TBC1D13: variants seen among roughly 807,000 people sequenced by gnomAD.
TBC1D13 encodes the protein TBC1 domain family member 13.
TBC1D13 carries 40 observed loss-of-function variants against 53.6 expected under a neutral mutation model. That is an observed-to-expected ratio of 0.75 (90% CI 0.58 to 0.97). The LOEUF (loss-of-function observed/expected upper bound fraction) is 0.97, where lower values mean the gene tolerates loss of function less well. Among genes scored for constraint, TBC1D13 ranks in the 50% least tolerant of loss-of-function variants. The probability of loss-of-function intolerance (pLI) is 0.00; values close to 1 mark genes in which losing one functional copy is unlikely to be tolerated. For synonymous variants in TBC1D13, 182 were observed against 197.7 expected, an observed-to-expected ratio of 0.92 and a Z score of 0.67; for missense variants, 377 against 499.4, an observed-to-expected ratio of 0.75 and a Z score of 2.34.
intron 10 of TBC1D13, 58 bp downstream of exon 10, chr9:128,806,077 C>T: frequency 1.3e-6 from 2 of 1,595,012 alleles, no homozygotes; most frequent in Non-Finnish European, 1.7e-6. Context: ...AGAAGCCAGA[C>T]AGGAGGACCC....
chr9:128,806,648 A>G (rs1829839813), intron 11 of TBC1D13, among the ~76,000 whole-genome samples: 1 of 152,132 alleles, frequency 6.6e-6, no homozygotes, highest in Admixed American at 6.5e-5. Context: ...TGTAGTGATT[A>G]AGAACATGGG....
chr9:128,808,249 G>A lies in TBC1D13; in HGVS notation c.*370G>A, dbSNP rs550670544. ...CTTCTCCTGGGCTCCACTCAGGGGA[G>A]GTGCTTGGCCAATGGGCCAGAAACC... On this transcript the variant is annotated 3_prime_UTR_variant, in exon 12 of 12. Coordinates refer to ENST00000372648, the MANE Select transcript of TBC1D13 (RefSeq NM_018201.5). 5 of 270,902 alleles carry A rather than the reference G, an allele frequency of 1.8e-5. No individual in the cohort carries two copies. In the East Asian group the frequency reaches 3.5e-4, roughly 19 times the overall value. 16.8% of individuals were successfully genotyped at this position (270,902 alleles called of 1,614,324 possible). A position where few individuals can be genotyped will look rare whatever the true frequency, so the allele number is the denominator to read the frequency against.
At position 128,794,561 on chromosome 9, in the gene TBC1D13, C is replaced by T. The variant is rs1173469827; in HGVS notation, c.383+1987C>T. Among the ~76,000 whole-genome samples the T allele has an allele frequency of 3.3e-5, 5 of 151,714 alleles. 1 individual carries two copies. Among genetic ancestry groups the T allele is most frequent in the South Asian group, 2.1e-4 (1 of 4,772 alleles). Reference sequence around the variant, plus strand: ...TGCAATCTCGGCTCACTGCAACATCCGCTTCCCGGGTTCAAGCGATTCTCC... The same window carrying T: ...TGCAATCTCGGCTCACTGCAACATCTGCTTCCCGGGTTCAAGCGATTCTCC... On this transcript the variant is annotated intron_variant, in intron 6 of 11. Coordinates refer to ENST00000372648, the MANE Select transcript of TBC1D13 (RefSeq NM_018201.5).
chr9:128,787,536 A>G (rs1386660421), intron 1 of TBC1D13, among the ~76,000 whole-genome samples, 160 bp downstream of exon 1: 7 of 152,044 alleles, frequency 4.6e-5, no homozygotes, highest in Admixed American at 4.6e-4. Context: ...TGTGGGCTGC[A>G]GGAACGACGG....
At chr9:128,788,468 G>C (rs1044492926) in intron 2 of TBC1D13, 61 bp downstream of exon 2, 116 of 1,509,634 alleles carry the variant, frequency 7.7e-5, no homozygotes, top group Admixed American at 2.2e-4. Context: ...TAGAATACAG[G>C]GGGAGGCCAC....
intron 7 of TBC1D13, among the ~76,000 whole-genome samples, chr9:128,801,451 G>A (rs7859291): frequency 0.37 from 56,578 of 151,834 alleles, 13,963 homozygotes; most frequent in African/African-American, 0.71. Flanking sequence ...AGGCTGAGGC[G>A]GGCGGATCAC....
intron 7 of TBC1D13, among the ~76,000 whole-genome samples, chr9:128,802,439 C>T (rs1471466196): frequency 2.0e-5 from 3 of 152,112 alleles, no homozygotes; most frequent in Non-Finnish European, 4.4e-5. Flanking sequence ...GTGTGTGTAC[C>T]TGTGTAAGTG....
chr9:128,808,104 G>A lies in TBC1D13; in HGVS notation c.*225G>A, dbSNP rs937795962. On this transcript the variant is annotated 3_prime_UTR_variant, in exon 12 of 12. Coordinates refer to ENST00000372648, the MANE Select transcript of TBC1D13 (RefSeq NM_018201.5). ...TGCCCTCTTTGCCCAGGATACTGAGGAGGGCTGGAGCTCGGGAAGTTGTCC... is the reference window on the plus strand; with the variant it reads ...TGCCCTCTTTGCCCAGGATACTGAGAAGGGCTGGAGCTCGGGAAGTTGTCC... 2.6e-5 allele frequency: 14 copies of A among 540,468 alleles called. No homozygotes were observed. The highest frequency in any genetic ancestry group is 4.7e-5 in the Non-Finnish European group (14 of 298,612). The allele number at this position is 540,468 out of a possible 1,614,324, so 33.5% of individuals were successfully genotyped here.
intron 10 of TBC1D13, 43 bp downstream of exon 10, chr9:128,806,062 C>T (rs1829826866): frequency 6.2e-7 from 1 of 1,601,538 alleles, no homozygotes; most frequent in Non-Finnish European, 8.5e-7. Flanking sequence ...CTGGGCAGTC[C>T]TTGGAGAAGC....
Position 128,797,205 on chromosome 9 carries a change from G to A in TBC1D13, c.534G>A (p.Gly178=), listed in dbSNP as rs1327002555. ...KSQTVARNRS[G]VTNMSSPHKN... ...AGACGGTGGCCCGGAACCGGAGTGG[G>A]GTCACAAATGTGAGTGCCAACCTGG... Residue 178 remains glycine, a synonymous_variant, in exon 7 of 12, where the codon GGG becomes GGA. Transcript: ENST00000372648. 1.2e-6 allele frequency: 2 copies of A among 1,613,780 alleles called. No homozygotes were observed. The highest frequency in any genetic ancestry group is 2.2e-5 in the South Asian group (2 of 91,052).
At chr9:128,797,484 C>T (rs1471901958) in intron 7 of TBC1D13, among the ~76,000 whole-genome samples, 1 of 152,066 alleles carries the variant, frequency 6.6e-6, no homozygotes, top group Non-Finnish European at 1.5e-5. Flanking sequence ...GGGGATGGCT[C>T]TGAGAAGGTC....
Position 128,810,384 on chromosome 9 carries a change from G to A in TBC1D13, c.*2505G>A, listed in dbSNP as rs923450204. 6.6e-6 allele frequency: 1 copy of A among 152,278 alleles called. No individual in the cohort carries two copies. Among genetic ancestry groups the A allele is most frequent in the African/African-American group, 2.4e-5 (1 of 41,462 alleles). 9.4% of individuals were successfully genotyped at this position (152,278 alleles called of 1,614,324 possible). A position where few individuals can be genotyped will look rare whatever the true frequency, so the allele number is the denominator to read the frequency against. ...CTGTTTTGTTCCTTGAGTCAGTGCT[G>A]TTGATGACGAGTTGTCTTGAATAAA... On this transcript the variant is annotated 3_prime_UTR_variant, in exon 12 of 12. Transcript: ENST00000372648.
intron 11 of TBC1D13, among the ~76,000 whole-genome samples, chr9:128,807,503 C>T (rs1829858486): frequency 6.6e-6 from 1 of 152,234 alleles, no homozygotes; most frequent in African/African-American, 2.4e-5. Context: ...CCCAGTCCTA[C>T]TGGCTCCACA....
intron 7 of TBC1D13, 28 bp from the exon 8 acceptor site, chr9:128,803,222 T>C: frequency 6.2e-7 from 1 of 1,604,896 alleles, no homozygotes; most frequent in Non-Finnish European, 8.5e-7. Context: ...ATTGTCTTTC[T>C]TGATGGGCTC....
chr9:128,788,509 G>T (rs1260472042), intron 2 of TBC1D13, 102 bp downstream of exon 2: 2 of 1,026,830 alleles, frequency 1.9e-6, no homozygotes, highest in Admixed American at 4.1e-5. Flanking sequence ...CAGCTGCTGG[G>T]GGCTGGGGCC....
At chr9:128,792,093 A>C (rs558288856) in intron 5 of TBC1D13, among the ~76,000 whole-genome samples, 1 of 152,376 alleles carries the variant, frequency 6.6e-6, no homozygotes, top group South Asian at 2.1e-4. Context: ...CCCCAGGCCC[A>C]GACTCACAGA....
intron 11 of TBC1D13, among the ~76,000 whole-genome samples, chr9:128,807,450 C>T (rs1399465838): frequency 6.6e-6 from 1 of 152,184 alleles, no homozygotes; most frequent in African/African-American, 2.4e-5. Flanking sequence ...ACAGTGGCCA[C>T]TCACAGGGCT....
At chr9:128,790,158 G>A (rs1222614732) in intron 2 of TBC1D13, among the ~76,000 whole-genome samples, 2 of 151,294 alleles carry the variant, frequency 1.3e-5, no homozygotes, top group Admixed American at 1.3e-4. Flanking sequence ...TTGCAAGGCT[G>A]AGGCAGAAGA....
intron 7 of TBC1D13, among the ~76,000 whole-genome samples, chr9:128,802,242 G>A (rs1829749676): frequency 6.6e-6 from 1 of 151,570 alleles, no homozygotes; most frequent in Non-Finnish European, 1.5e-5. Context: ...ATTTTTAATA[G>A]AGACAGGGTT....
Sources: allele counts gnomAD v4.1 joint callset (sites outside exome capture counted in the v4.1 genomes callset), GRCh38; gene constraint gnomAD v4.1.1; transcripts MANE v1.5; gene names NCBI Gene and HGNC (gene_info 2026-07-23, HGNC 2026-07-21).